The following MORN4 variants were observed in gnomAD, a reference collection of about 807,000 sequenced individuals.
The protein encoded by MORN4 is MORN repeat-containing protein 4.
MORN4 carries 8 observed loss-of-function variants against 16.4 expected under a neutral mutation model. The ratio of observed to expected loss-of-function variants is 0.49; its 90% CI spans 0.29 to 0.88. MORN4 has a LOEUF of 0.88. Among genes scored for constraint, MORN4 ranks in the 40% least tolerant of loss-of-function variants. The probability of loss-of-function intolerance (pLI) is 0.09; values close to 1 mark genes in which losing one functional copy is unlikely to be tolerated. For missense variants in MORN4, 159 were observed against 182.9 expected, an observed-to-expected ratio of 0.87 and a Z score of 0.75; for synonymous variants, 53 against 68.9, an observed-to-expected ratio of 0.77 and a Z score of 1.14.
intron 1 of MORN4, among the ~76,000 whole-genome samples, chr10:97,631,882 A>C (rs1199385097): frequency 3.3e-5 from 5 of 152,056 alleles, no homozygotes; most frequent in Admixed American, 1.3e-4. Flanking sequence ...TGCCGGGGTG[A>C]GCAGTGACTG....
chr10:97,633,562 A>C, upstream of MORN4: 1 of 1,289,834 alleles, frequency 7.8e-7, no homozygotes, highest in Non-Finnish European at 1.0e-6. The surrounding 1 kb of genome is among the most constrained non-coding windows in gnomAD (Gnocchi z 4.5). Context: ...GCCACTCCGC[A>C]TTGGCCCAGC....
At chr10:97,629,479 C>A (rs2135743120) in intron 1 of MORN4, among the ~76,000 whole-genome samples, 1 of 152,300 alleles carries the variant, frequency 6.6e-6, no homozygotes, top group South Asian at 2.1e-4. Flanking sequence ...GAGACCCGAG[C>A]CACCACATAA....
chr10:97,633,288 T>C lies in MORN4; in HGVS notation c.-31+59A>G, dbSNP rs2041413133. On this transcript the variant is annotated intron_variant, in intron 1 of 4. Coordinates refer to ENST00000307450, the MANE Select transcript of MORN4 (RefSeq NM_178832.4). The surrounding 1 kb of genome is among the most constrained non-coding windows in gnomAD (Gnocchi z 4.5). ...GGTCATCTCGTGCTCCGTTCCTCAG[T>C]GCCCACCTGACCGATCACACTCTTT... is the stretch of plus-strand genomic sequence containing the variant. 7.8e-7 allele frequency: 1 copy of C among 1,279,648 alleles called. No homozygotes were observed. Among genetic ancestry groups the C allele is most frequent in the African/African-American group, 1.5e-5 (1 of 65,674 alleles). 79.3% of individuals were successfully genotyped at this position (1,279,648 alleles called of 1,614,324 possible). A position where few individuals can be genotyped will look rare whatever the true frequency, so the allele number is the denominator to read the frequency against.
Position 97,619,778 on chromosome 10 carries a change from C to T in MORN4, c.-30-95G>A, listed in dbSNP as rs575698526. On this transcript the variant is annotated intron_variant, in intron 1 of 4. Transcript: ENST00000307450. ...ATAGATACATTCTAAAGGCCACCAG[C>T]CTGGTAAGTGTACACTGCCTTAGGT... 106 of 947,438 alleles carry T rather than the reference C, an allele frequency of 1.1e-4. No individual in the cohort carries two copies. The East Asian group carries it at 2.7e-3, about 24-fold the overall frequency. The allele number at this position is 947,438 out of a possible 1,614,324, so 58.7% of individuals were successfully genotyped here.
chr10:97,633,926 C>G (rs996902067), upstream of MORN4, among the ~76,000 whole-genome samples: 1 of 152,208 alleles, frequency 6.6e-6, no homozygotes, highest in Non-Finnish European at 1.5e-5. This position sits in a 1 kb window ranked among gnomAD's most constrained non-coding sequence, Gnocchi z 4.5. Context: ...ATTGTGATAT[C>G]AAGACACTTT....
intron 2 of MORN4, among the ~76,000 whole-genome samples, chr10:97,618,258 CTTT>C (rs1192502394): frequency 1.1e-5 from 1 of 92,820 alleles, no homozygotes; most frequent in African/African-American, 4.4e-5. Context: ...AGCCTCTCTT[CTTT>C]TTTTTTTTTT....
chr10:97,616,928 C>T (rs886069725), intron 3 of MORN4, 141 bp from the exon 4 acceptor site: 3 of 669,066 alleles, frequency 4.5e-6, no homozygotes, highest in Admixed American at 2.4e-5. Flanking sequence ...ACCTACCCCA[C>T]CTATTCCCAA....
chr10:97,619,717 T>C lies in MORN4; in HGVS notation c.-30-34A>G, dbSNP rs1322283244. 11 of 1,561,606 alleles carry C rather than the reference T, an allele frequency of 7.0e-6. No individual in the cohort carries two copies. In the African/African-American group the frequency reaches 8.1e-5, roughly 12 times the overall value. On this transcript the variant is annotated intron_variant, in intron 1 of 4. Coordinates refer to ENST00000307450, the MANE Select transcript of MORN4 (RefSeq NM_178832.4). Reference sequence around the variant, plus strand: ...AATAAGCAAAGGAGAACCAGTGTCATGGAATGGCGGGAGGAAAGGACTGCA... The same window carrying C: ...AATAAGCAAAGGAGAACCAGTGTCACGGAATGGCGGGAGGAAAGGACTGCA...
chr10:97,618,258 CTTTTTT>C (rs1192502394), intron 2 of MORN4, among the ~76,000 whole-genome samples: 1 of 92,826 alleles, frequency 1.1e-5, no homozygotes, highest in East Asian at 3.6e-4. Flanking sequence ...AGCCTCTCTT[CTTTTTT>C]TTTTTTTTTT....
chr10:97,623,893 G>A lies in MORN4; in HGVS notation c.-30-4210C>T, dbSNP rs527466496. 4.6e-5 allele frequency among the ~76,000 whole-genome samples: 7 copies of A among 151,954 alleles called. 1 individual carries two copies. Among genetic ancestry groups the A allele is most frequent in the African/African-American group, 1.4e-4 (6 of 41,402 alleles). ...TGGGACTACAGGTGCCCACCACGAC[G>A]CCCCACTAACTTTTTGTATTTTTTA... On this transcript the variant is annotated intron_variant, in intron 1 of 4. Coordinates refer to ENST00000307450, the MANE Select transcript of MORN4 (RefSeq NM_178832.4).
intron 2 of MORN4, among the ~76,000 whole-genome samples, chr10:97,618,427 T>G (rs1232935503): frequency 1.3e-5 from 2 of 152,006 alleles, no homozygotes; most frequent in Non-Finnish European, 2.9e-5. Flanking sequence ...ATTACAGGCA[T>G]GAGCCACTGT....
At chr10:97,632,640 T>G (rs565674827) in intron 1 of MORN4, among the ~76,000 whole-genome samples, 2 of 152,220 alleles carry the variant, frequency 1.3e-5, no homozygotes, top group South Asian at 4.2e-4. Context: ...AAGGGTTCGT[T>G]TAGGGAAGAC....
At chr10:97,632,925 TGTGGGAGTTCTCTCCACCA>T (rs969495293) in intron 1 of MORN4, among the ~76,000 whole-genome samples, 2 of 152,252 alleles carry the variant, frequency 1.3e-5, no homozygotes, top group African/African-American at 4.8e-5. Context: ...GGCTTCCATA[TGTGGGAGTTCTCTCCACCA>T]GTGAGATAAA....
intron 2 of MORN4, among the ~76,000 whole-genome samples, chr10:97,618,019 A>C (rs2041252502): frequency 6.6e-6 from 1 of 151,776 alleles, no homozygotes; most frequent in African/African-American, 2.4e-5. Flanking sequence ...TACTAAAACT[A>C]CAAAAAATTA....
At chr10:97,627,034 G>C (rs1016571564) in intron 1 of MORN4, among the ~76,000 whole-genome samples, 27 of 152,110 alleles carry the variant, frequency 1.8e-4, no homozygotes, top group African/African-American at 6.5e-4. Flanking sequence ...TGGGATTACA[G>C]GCATGAGTCA....
chr10:97,630,007 C>T (rs1156416134), intron 1 of MORN4, among the ~76,000 whole-genome samples: 1 of 150,098 alleles, frequency 6.7e-6, no homozygotes, highest in Non-Finnish European at 1.5e-5. Flanking sequence ...TTACTGCAAG[C>T]TCTGCCTCCC....
rs1248309046 is a variant in MORN4 at position 97,617,255 on chromosome 10, A to G, written c.135T>C (p.Asn45=). 7 of 1,614,070 alleles carry G rather than the reference A, an allele frequency of 4.3e-6. No individual in the cohort carries two copies. In the Admixed American group the frequency reaches 1.0e-4, roughly 23 times the overall value. The change falls in exon 3 of 5, where the codon AAT becomes AAC. Residue 45 remains asparagine, a synonymous_variant. Transcript: ENST00000307450. Reference sequence around the variant, plus strand: ...ATACCCCAAAGCCATTAAAGAGCCCATTCTCAAAATGACCCAGGTAGGTGC... The same window carrying G: ...ATACCCCAAAGCCATTAAAGAGCCCGTTCTCAAAATGACCCAGGTAGGTGC... ...DGGTYLGHFE[N]GLFNGFGVLT... is the part of the protein sequence containing the mutation.
intron 2 of MORN4, 60 bp downstream of exon 2, chr10:97,619,527 G>A: frequency 1.6e-6 from 2 of 1,240,180 alleles, no homozygotes; most frequent in East Asian, 2.3e-5. Context: ...ATATCCTGAT[G>A]TATTTGTCCT....
chr10:97,621,483 G>T (rs1277758358), intron 1 of MORN4, among the ~76,000 whole-genome samples: 2 of 152,250 alleles, frequency 1.3e-5, no homozygotes, highest in Non-Finnish European at 2.9e-5. Context: ...AGAAAAGCTT[G>T]CAAGGAAGGG....
Sources: allele counts gnomAD v4.1 joint callset (sites outside exome capture counted in the v4.1 genomes callset), GRCh38; gene constraint gnomAD v4.1.1; non-coding constraint Gnocchi (gnomAD v3.1); transcripts MANE v1.5; gene names NCBI Gene and HGNC (gene_info 2026-07-23, HGNC 2026-07-21).